The following TAFA2 variants were observed in gnomAD, a reference collection of about 807,000 sequenced individuals.
TAFA2 encodes the protein TAFA chemokine like family member 2.
Under a neutral mutation model 18.8 loss-of-function variants are expected in TAFA2, and 7 were observed. That is an observed-to-expected ratio of 0.37 (90% CI 0.21 to 0.70). The LOEUF is 0.70. Ranked by LOEUF, TAFA2 falls within the 30% of genes least tolerant of loss-of-function variation. The pLI is 0.53. For synonymous variants in TAFA2, 60 were observed against 54.2 expected, an observed-to-expected ratio of 1.11 and a Z score of -0.47; for missense variants, 122 against 158.1, an observed-to-expected ratio of 0.77 and a Z score of 1.23.
intron 1 of TAFA2, among the ~76,000 whole-genome samples, chr12:62,025,841 T>G (rs1316719187): frequency 1.3e-5 from 2 of 152,116 alleles, no homozygotes; most frequent in Admixed American, 6.6e-5. Context: ...CAATGCATAC[T>G]AGAGTTTTTA....
At chr12:61,721,778 A>T (rs1229081299) in intron 4 of TAFA2, among the ~76,000 whole-genome samples, 1 of 152,186 alleles carries the variant, frequency 6.6e-6, no homozygotes, top group Non-Finnish European at 1.5e-5. Flanking sequence ...CAACATGGTG[A>T]AACCCCATCT....
intron 4 of TAFA2, among the ~76,000 whole-genome samples, chr12:61,752,427 A>AT (rs1869063010): frequency 6.6e-6 from 1 of 151,984 alleles, no homozygotes; most frequent in Non-Finnish European, 1.5e-5. Flanking sequence ...TTCATGGTAT[A>AT]AATAGCTTAT....
intron 1 of TAFA2, among the ~76,000 whole-genome samples, chr12:61,892,778 G>A (rs778977420): frequency 1.3e-5 from 2 of 152,194 alleles, no homozygotes; most frequent in Non-Finnish European, 2.9e-5. Flanking sequence ...AGCAGAGGTT[G>A]CAGTGAGAAA....
At chr12:61,747,897 T>G in intron 4 of TAFA2, among the ~76,000 whole-genome samples, 1 of 152,066 alleles carries the variant, frequency 6.6e-6, no homozygotes, top group East Asian at 1.9e-4. Flanking sequence ...AAAGAAATTT[T>G]TAGCCCAAAA....
At chr12:61,719,283 A>C (rs1295514268) in intron 4 of TAFA2, among the ~76,000 whole-genome samples, 2 of 152,200 alleles carry the variant, frequency 1.3e-5, no homozygotes, top group South Asian at 4.1e-4. Flanking sequence ...GAGGAGCCTG[A>C]ATTCTGCTAA....
chr12:62,066,573 G>T (rs1420397623), intron 1 of TAFA2, among the ~76,000 whole-genome samples: 8 of 151,750 alleles, frequency 5.3e-5, no homozygotes, highest in Non-Finnish European at 8.8e-5. Context: ...TTGTTTGTTT[G>T]TTTCTGTGTC....
chr12:62,153,668 CA>C (rs58786792), intron 1 of TAFA2, among the ~76,000 whole-genome samples: 107 of 140,480 alleles, frequency 7.6e-4, no homozygotes, highest in Middle Eastern at 7.0e-3. Flanking sequence ...GACCTTGTCT[CA>C]AAAAAAAAAA....
chr12:62,123,041 T>C (rs532270986), intron 1 of TAFA2, among the ~76,000 whole-genome samples: 2 of 152,212 alleles, frequency 1.3e-5, no homozygotes, highest in Non-Finnish European at 2.9e-5. Context: ...ATATTTCTCC[T>C]CTGAACACCT....
chr12:61,902,127 G>T (rs191805133), intron 1 of TAFA2, among the ~76,000 whole-genome samples: 2 of 146,590 alleles, frequency 1.4e-5, no homozygotes, highest in Admixed American at 1.4e-4. Flanking sequence ...GTATCTTTCT[G>T]GTATGGTACT....
At chr12:61,978,792 A>G (rs951638159) in intron 1 of TAFA2, among the ~76,000 whole-genome samples, 2 of 152,254 alleles carry the variant, frequency 1.3e-5, no homozygotes, top group Admixed American at 1.3e-4. Context: ...TGATGCCAGT[A>G]GCTCATGTAT....
At chr12:62,080,443 C>G (rs1868301841) in intron 1 of TAFA2, among the ~76,000 whole-genome samples, 1 of 152,042 alleles carries the variant, frequency 6.6e-6, no homozygotes, top group South Asian at 2.1e-4. Flanking sequence ...TACCACATTA[C>G]CCTTCCTACT....
intron 1 of TAFA2, among the ~76,000 whole-genome samples, chr12:61,998,312 A>G (rs1195436438): frequency 3.9e-5 from 6 of 152,208 alleles, no homozygotes; most frequent in African/African-American, 1.4e-4. Context: ...TTTTTAAAAT[A>G]TTTCCAGAAA....
Position 61,944,316 on chromosome 12 carries a change from G to A in TAFA2, c.-1-76890C>T, listed in dbSNP as rs1393546112. On this transcript the variant is annotated intron_variant, in intron 1 of 4. Transcript: ENST00000416284. ...ACACATTCAAAGCAGTGTGTAGAGG[G>A]AAATTTATAGCACTAAATGCTCACA... Among the ~76,000 whole-genome samples the A allele has an allele frequency of 7.9e-5, 12 of 151,008 alleles. No individual in the cohort carries two copies. The East Asian group carries it at 2.3e-3, about 29-fold the overall frequency.
At chr12:62,096,902 A>G (rs1868975832) in intron 1 of TAFA2, among the ~76,000 whole-genome samples, 1 of 152,124 alleles carries the variant, frequency 6.6e-6, no homozygotes, top group South Asian at 2.1e-4. Context: ...CATGGGGCAC[A>G]TGCCTGAAAT....
At chr12:62,079,873 C>T (rs1006467763) in intron 1 of TAFA2, among the ~76,000 whole-genome samples, 1 of 152,160 alleles carries the variant, frequency 6.6e-6, no homozygotes, top group African/African-American at 2.4e-5. Context: ...TCTCTACTGC[C>T]ACATCGCAAA....
intron 1 of TAFA2, among the ~76,000 whole-genome samples, chr12:61,872,199 A>G (rs1874640309): frequency 6.6e-6 from 1 of 152,212 alleles, no homozygotes. Context: ...AGGAGATAGT[A>G]TAAAGGAGAT....
chr12:62,231,526 G>T (rs2062811875), intron 1 of TAFA2, among the ~76,000 whole-genome samples: 1 of 152,112 alleles, frequency 6.6e-6, no homozygotes, highest in African/African-American at 2.4e-5. Context: ...TATCCATTCA[G>T]CCACTGTCTT....
intron 1 of TAFA2, among the ~76,000 whole-genome samples, chr12:62,210,305 T>C (rs967565483): frequency 1.3e-5 from 2 of 152,182 alleles, no homozygotes; most frequent in Non-Finnish European, 2.9e-5. Flanking sequence ...TCATTGTTTT[T>C]TCATTTGACA....
At chr12:62,076,645 T>G (rs1377379730) in intron 1 of TAFA2, among the ~76,000 whole-genome samples, 1 of 152,204 alleles carries the variant, frequency 6.6e-6, no homozygotes, top group Non-Finnish European at 1.5e-5. Context: ...TGTCTCATGG[T>G]GTATTTAAAC....
Sources: allele counts gnomAD v4.1 joint callset (sites outside exome capture counted in the v4.1 genomes callset), GRCh38; gene constraint gnomAD v4.1.1; transcripts MANE v1.5; gene names NCBI Gene and HGNC (gene_info 2026-07-23, HGNC 2026-07-21).